ABHD6: variants seen among roughly 807,000 people sequenced by gnomAD.
The protein encoded by ABHD6 is abhydrolase domain containing 6, acylglycerol lipase, also known as monoacylglycerol lipase ABHD6.
ABHD6 carries 33 observed loss-of-function variants against 38.8 expected under a neutral mutation model. That is an observed-to-expected ratio of 0.85 (90% CI 0.64 to 1.14). The LOEUF is 1.14. ABHD6 is among the 50% of genes most tolerant of loss of function. ABHD6 has a pLI of 0.00. For synonymous variants in ABHD6, 147 were observed against 161.6 expected (o/e 0.91, Z 0.69); for missense variants, 380 against 422.6 (o/e 0.90, Z 0.88).
chr3:58,240,816 C>T (rs1233842699), intron 1 of ABHD6, among the ~76,000 whole-genome samples: 3 of 151,602 alleles, frequency 2.0e-5, no homozygotes, highest in African/African-American at 4.9e-5. Context: ...CCGCAACCTC[C>T]GCCTCCCGGG....
At chr3:58,278,951 C>T (rs957797176) in intron 7 of ABHD6, among the ~76,000 whole-genome samples, 1 of 151,560 alleles carries the variant, frequency 6.6e-6, no homozygotes, top group African/African-American at 2.4e-5. Context: ...TTTGATCGCA[C>T]TGTGGTCTGA....
rs919199584 is a variant in ABHD6 at position 58,273,974 on chromosome 3, C to T, written c.524-684C>T. 3.3e-5 allele frequency among the ~76,000 whole-genome samples: 5 copies of T among 152,334 alleles called. No individual in the cohort carries two copies. The highest frequency in any genetic ancestry group is 9.6e-5 in the African/African-American group (4 of 41,584). On this transcript the variant is annotated intron_variant, in intron 6 of 9. Coordinates refer to ENST00000478253, the MANE Select transcript of ABHD6 (RefSeq NM_001320126.2). The surrounding 1 kb of genome is among the most constrained non-coding windows in gnomAD (Gnocchi z 4.8). The stretch of plus-strand genomic sequence containing the variant: ...TGGAAGTGAAAATTAGTTTTGCCCT[C>T]TTGCATACATAGCATCAGCTTCTGT...
chr3:58,287,433 C>A lies in ABHD6; in HGVS notation c.837+1980C>A, dbSNP rs979034168. On this transcript the variant is annotated intron_variant, in intron 9 of 9. Coordinates refer to ENST00000478253, the MANE Select transcript of ABHD6 (RefSeq NM_001320126.2). This position sits in a 1 kb window ranked among gnomAD's most constrained non-coding sequence, Gnocchi z 4.7. ...GGCAGGAGAGAGTGGGGAGGAGCAGCCAGGCTGTGCCCATGGCGTGTACGC... is the reference window on the plus strand; with the variant it reads ...GGCAGGAGAGAGTGGGGAGGAGCAGACAGGCTGTGCCCATGGCGTGTACGC... 2.6e-5 allele frequency among the ~76,000 whole-genome samples: 4 copies of A among 152,144 alleles called. No homozygotes were observed. Among genetic ancestry groups the A allele is most frequent in the African/African-American group, 9.7e-5 (4 of 41,420 alleles).
intron 9 of ABHD6, among the ~76,000 whole-genome samples, chr3:58,290,938 G>A (rs923783027): frequency 4.7e-4 from 72 of 152,124 alleles, no homozygotes; most frequent in Middle Eastern, 3.4e-3. Context: ...CAGACGATGG[G>A]CGGCCAGGCA....
intron 3 of ABHD6, among the ~76,000 whole-genome samples, chr3:58,260,921 G>A (rs905681204): frequency 3.3e-5 from 5 of 152,200 alleles, no homozygotes; most frequent in Non-Finnish European, 7.3e-5. Flanking sequence ...AGCTCTCTCT[G>A]GGTCTAAGTG....
rs201958984 is a variant in ABHD6 at position 58,285,426 on chromosome 3, G to A, written c.810G>A (p.Thr270=). The A allele has an allele frequency of 1.8e-5, 29 of 1,614,076 alleles. No homozygotes were observed. The East Asian group carries it at 4.2e-4, about 24-fold the overall frequency. The change falls in exon 9 of 10, where the codon ACG becomes ACA. Residue 270 remains threonine (T), a synonymous_variant. Transcript: ENST00000478253. This position sits in a 1 kb window ranked among gnomAD's most constrained non-coding sequence, Gnocchi z 4.9. ...ACATGGACAAGATCAAGGTTCCGAC[G>A]CAGATCATCTGGGGGAAACAAGACC... ...HQNMDKIKVP[T]QIIWGKQDQV... is the part of the protein sequence containing the mutation.
In ABHD6 at chr3:58,257,931, T is replaced by A. The variant is rs2097434455; in HGVS notation, c.119+1226T>A. Among the ~76,000 whole-genome samples, 1 of 152,140 alleles carries A rather than the reference T, an allele frequency of 6.6e-6. No homozygotes were observed. Among genetic ancestry groups the A allele is most frequent in the African/African-American group, 2.4e-5 (1 of 41,420 alleles). On this transcript the variant is annotated intron_variant, in intron 3 of 9. Transcript: ENST00000478253. This position sits in a 1 kb window ranked among gnomAD's most constrained non-coding sequence, Gnocchi z 4.8. ...TTTCCTTTAGAGTGAGCCATCTTTT[T>A]AAAAAAATCCTTAAATCAAGTATTT... is the stretch of plus-strand genomic sequence containing the variant.
chr3:58,258,591 A>G (rs1290094836), intron 3 of ABHD6: 9 of 276,768 alleles, frequency 3.3e-5, no homozygotes, highest in South Asian at 2.5e-4. Flanking sequence ...TGAAGGGAGC[A>G]TCGAAATAGA....
chr3:58,292,386 G>A (rs571592824), intron 9 of ABHD6, among the ~76,000 whole-genome samples: 1 of 152,308 alleles, frequency 6.6e-6, no homozygotes, highest in East Asian at 1.9e-4. Flanking sequence ...TGAAGGTAAA[G>A]GCAGCTAAGA....
chr3:58,274,578 C>T, intron 6 of ABHD6, 80 bp from the exon 7 acceptor site: 1 of 1,430,974 alleles, frequency 7.0e-7, no homozygotes, highest in Admixed American at 2.2e-5. Flanking sequence ...CTCTGGGCTG[C>T]TGTCAGAAGT....
At position 58,293,955 on chromosome 3, in the gene ABHD6, A is replaced by G. The variant is rs575666167; in HGVS notation, c.*190A>G. 13 of 525,424 alleles carry G rather than the reference A, an allele frequency of 2.5e-5. No individual in the cohort carries two copies. The highest frequency in any genetic ancestry group is 4.2e-5 in the Non-Finnish European group (13 of 311,772). The allele number at this position is 525,424 out of a possible 1,614,324, so 32.5% of individuals were successfully genotyped here. A position where few individuals can be genotyped will look rare whatever the true frequency, so the allele number is the denominator to read the frequency against. The stretch of plus-strand genomic sequence containing the variant: ...GGGACCACGCGAAAACCTCCAAGAT[A>G]TTTTTCACAAAATAGAAACTCATAT... On this transcript the variant is annotated 3_prime_UTR_variant, in exon 10 of 10. Coordinates refer to ENST00000478253, the MANE Select transcript of ABHD6 (RefSeq NM_001320126.2). The surrounding 1 kb of genome is among the most constrained non-coding windows in gnomAD (Gnocchi z 4.4).
rs10671892 is a variant in ABHD6 at position 58,252,229 on chromosome 3, G to GTTTTTTTTTTTTT, written c.-26+2298_-26+2310dup. 3.7e-5 allele frequency among the ~76,000 whole-genome samples: 3 copies of GTTTTTTTTTTTTT among 80,964 alleles called. 1 individual carries two copies. The highest frequency in any genetic ancestry group is 6.5e-5 in the Non-Finnish European group (3 of 46,216). 53.1% of individuals were successfully genotyped at this position (80,964 alleles called of 152,430 possible). On this transcript the variant is annotated intron_variant, in intron 2 of 9. Coordinates refer to ENST00000478253, the MANE Select transcript of ABHD6 (RefSeq NM_001320126.2). ...GCATTTTTCTTTAAATTGACTGCTTGTTTTTTTTTTTTTTTTTTTTTTTGG... is the reference window on the plus strand; with the variant it reads ...GCATTTTTCTTTAAATTGACTGCTTGTTTTTTTTTTTTTTTTTTTTTTTTTTTTTTTTTTTTGG...
Position 58,269,820 on chromosome 3 carries a change from C to T in ABHD6, c.390+386C>T, listed in dbSNP as rs985359862. On this transcript the variant is annotated intron_variant, in intron 5 of 9. Coordinates refer to ENST00000478253, the MANE Select transcript of ABHD6 (RefSeq NM_001320126.2). The surrounding 1 kb of genome is among the most constrained non-coding windows in gnomAD (Gnocchi z 4.4). Reference sequence around the variant, plus strand: ...AGGGTGTTCTTCACATTATAACGTACTTTAGCATCTATTGCTAGCACCTAT... The same window carrying T: ...AGGGTGTTCTTCACATTATAACGTATTTTAGCATCTATTGCTAGCACCTAT... 8.5e-5 allele frequency among the ~76,000 whole-genome samples: 13 copies of T among 152,172 alleles called. No homozygotes were observed. Among genetic ancestry groups the T allele is most frequent in the African/African-American group, 2.9e-4 (12 of 41,448 alleles).
intron 2 of ABHD6, among the ~76,000 whole-genome samples, chr3:58,252,229 GTTTTTTTT>G (rs10671892): frequency 3.7e-5 from 3 of 80,966 alleles, no homozygotes; most frequent in South Asian, 5.4e-4. Flanking sequence ...TTGACTGCTT[GTTTTTTTT>G]TTTTTTTTTT....
At position 58,294,591 on chromosome 3, in the gene ABHD6, A is replaced by G. The variant is rs922162031; in HGVS notation, c.*826A>G. Reference sequence around the variant, plus strand: ...GGCCTCTTTTCTATTTCAATGTGCTACTAAGAACCCTTGGATGTAACATAC... The same window carrying G: ...GGCCTCTTTTCTATTTCAATGTGCTGCTAAGAACCCTTGGATGTAACATAC... On this transcript the variant is annotated 3_prime_UTR_variant, in exon 10 of 10. Transcript: ENST00000478253. 6.5e-6 allele frequency: 1 copy of G among 152,776 alleles called. No homozygotes were observed. Among genetic ancestry groups the G allele is most frequent in the Non-Finnish European group, 1.5e-5 (1 of 68,038 alleles). The allele number at this position is 152,776 out of a possible 1,614,324, so 9.5% of individuals were successfully genotyped here.
Position 58,269,720 on chromosome 3 carries a change from A to G in ABHD6, c.390+286A>G, listed in dbSNP as rs1256285712. Among the ~76,000 whole-genome samples, 1 of 152,218 alleles carries G rather than the reference A, an allele frequency of 6.6e-6. No individual in the cohort carries two copies. The highest frequency in any genetic ancestry group is 2.4e-5 in the African/African-American group (1 of 41,464). ...AGGGGTTTAGAATTTCTTAAAACCAATTCCCTTCCTAGGGATCTCTCTTTC... is the reference window on the plus strand; with the variant it reads ...AGGGGTTTAGAATTTCTTAAAACCAGTTCCCTTCCTAGGGATCTCTCTTTC... On this transcript the variant is annotated intron_variant, in intron 5 of 9. Transcript: ENST00000478253. The surrounding 1 kb of genome is among the most constrained non-coding windows in gnomAD (Gnocchi z 4.4).
In ABHD6 at chr3:58,257,248, A is replaced by C. The variant is rs2097434043; in HGVS notation, c.119+543A>C. Among the ~76,000 whole-genome samples the C allele has an allele frequency of 6.6e-6, 1 of 152,036 alleles. No individual in the cohort carries two copies. The highest frequency in any genetic ancestry group is 6.6e-5 in the Admixed American group (1 of 15,256). On this transcript the variant is annotated intron_variant, in intron 3 of 9. Transcript: ENST00000478253. The surrounding 1 kb of genome is among the most constrained non-coding windows in gnomAD (Gnocchi z 4.8). ...AGCATCTTTCTCCACCCACATTCCC[A>C]AAGTCAGTGATTCTGTCTTCAAGCA... is the stretch of plus-strand genomic sequence containing the variant.
chr3:58,239,726 T>C (rs1000896227), intron 1 of ABHD6, among the ~76,000 whole-genome samples: 4 of 152,082 alleles, frequency 2.6e-5, no homozygotes, highest in Non-Finnish European at 5.9e-5. Context: ...ATTCTGAAAC[T>C]TGATATGAGA....
chr3:58,264,066 AT>A (rs1304406100), intron 3 of ABHD6, among the ~76,000 whole-genome samples: 2 of 152,112 alleles, frequency 1.3e-5, no homozygotes, highest in African/African-American at 4.8e-5. Context: ...TTTCCATGTT[AT>A]TGAATATTCT....
Sources: gnomAD v4.1 joint callset for allele counts (sites outside exome capture counted in the v4.1 genomes callset) on GRCh38, gnomAD v4.1.1 for gene constraint, Gnocchi (gnomAD v3.1) non-coding constraint, MANE v1.5 for transcripts, NCBI Gene and HGNC (gene_info 2026-07-23, HGNC 2026-07-21) for gene names.